Variants in CHLSN observed in about 807,000 individuals in gnomAD.
The protein encoded by CHLSN is cholesin.
At chr7:1,007,324 G>A in the CHLSN span, among the ~76,000 whole-genome samples, 1 of 152,240 alleles carries the variant, frequency 6.6e-6, no homozygotes, top group South Asian at 2.1e-4. Flanking sequence ...GCCTCTGCAG[G>A]GGGAGGACAA....
the CHLSN span, among the ~76,000 whole-genome samples, chr7:1,051,878 T>A: frequency 6.6e-6 from 1 of 152,184 alleles, no homozygotes; most frequent in African/African-American, 2.4e-5. Flanking sequence ...CTTGGGAGGC[T>A]GAGATGGGAG....
the CHLSN span, among the ~76,000 whole-genome samples, chr7:1,079,244 G>A: frequency 3.9e-5 from 6 of 152,340 alleles, no homozygotes; most frequent in South Asian, 1.0e-3. Flanking sequence ...CTGAGGCTGC[G>A]GAGGGGCGGC....
the CHLSN span, among the ~76,000 whole-genome samples, chr7:1,060,620 C>T: frequency 1.3e-5 from 2 of 152,234 alleles, no homozygotes; most frequent in African/African-American, 4.8e-5. Context: ...AGGTCAGAGT[C>T]GGCCTCGTGA....
the CHLSN span, chr7:1,058,816 G>A: frequency 2.4e-6 from 1 of 417,886 alleles, no homozygotes; most frequent in Non-Finnish European, 4.5e-6. Flanking sequence ...GTTTGTCAAT[G>A]AAGTGATGAA....
chr7:984,019 C>G, the CHLSN span, among the ~76,000 whole-genome samples: 8 of 152,268 alleles, frequency 5.3e-5, no homozygotes, highest in South Asian at 1.7e-3. Flanking sequence ...GGGCTGTAGC[C>G]GAAGACGGAT....
At chr7:1,057,521 G>C in the CHLSN span, 1 of 769,040 alleles carries the variant, frequency 1.3e-6, no homozygotes, top group African/African-American at 1.7e-5. Flanking sequence ...CCGCCATGTG[G>C]AGCTGCAGCT....
chr7:1,057,604 C>T, the CHLSN span: 82 of 769,928 alleles, frequency 1.1e-4, no homozygotes, highest in Non-Finnish European at 1.6e-4. Flanking sequence ...TCACTGTTGT[C>T]GCTGCTGGGC....
chr7:1,023,679 C>T, the CHLSN span, among the ~76,000 whole-genome samples: 1 of 109,894 alleles, frequency 9.1e-6, no homozygotes, highest in African/African-American at 3.2e-5. This position sits in a 1 kb window ranked among gnomAD's most constrained non-coding sequence, Gnocchi z 5.0. Flanking sequence ...ACACACACAC[C>T]AGCAACGCGC....
chr7:1,006,168 TGCTTCCAGCACTC>T, the CHLSN span, among the ~76,000 whole-genome samples: 31 of 152,360 alleles, frequency 2.0e-4, no homozygotes, highest in African/African-American at 7.2e-4. Context: ...GTGGAGGGAC[TGCTTCCAGCACTC>T]CCAAACTTCC....
chr7:1,019,772 CCT>C, the CHLSN span, among the ~76,000 whole-genome samples: 1 of 152,224 alleles, frequency 6.6e-6, no homozygotes, highest in East Asian at 1.9e-4. Flanking sequence ...TGGCTGTGGC[CCT>C]GACCCCTCTT....
the CHLSN span, among the ~76,000 whole-genome samples, chr7:1,011,725 C>T: frequency 6.6e-6 from 1 of 151,950 alleles, no homozygotes; most frequent in African/African-American, 2.4e-5. Context: ...CACACACGCC[C>T]ACAGACACCC....
At chr7:992,974 G>A in the CHLSN span, among the ~76,000 whole-genome samples, 18 of 152,206 alleles carry the variant, frequency 1.2e-4, no homozygotes, top group Admixed American at 9.2e-4. Flanking sequence ...AGAGTGCATC[G>A]GGTAGCTCCT....
the CHLSN span, chr7:1,028,377 C>G: frequency 1.0e-6 from 1 of 988,144 alleles, no homozygotes; most frequent in Non-Finnish European, 1.2e-6. Flanking sequence ...TGCGCATGCC[C>G]GGCCGGCCCG....
chr7:1,006,722 A>G, the CHLSN span, among the ~76,000 whole-genome samples: 1,773 of 150,770 alleles, frequency 0.012, 88 homozygotes, highest in East Asian at 0.17. Flanking sequence ...CATGACGGTC[A>G]CAGCGCAGAC....
At chr7:1,076,859 A>G in the CHLSN span, among the ~76,000 whole-genome samples, 1 of 152,230 alleles carries the variant, frequency 6.6e-6, no homozygotes, top group African/African-American at 2.4e-5. Flanking sequence ...CTTCCTGCAC[A>G]GCCCACGCCC....
the CHLSN span, among the ~76,000 whole-genome samples, chr7:1,019,914 G>A: frequency 6.6e-6 from 1 of 152,254 alleles, no homozygotes; most frequent in Non-Finnish European, 1.5e-5. Context: ...ACCGCGGCCC[G>A]GAGGCCAAGC....
chr7:1,085,432 C>G, the CHLSN span, among the ~76,000 whole-genome samples: 1 of 152,132 alleles, frequency 6.6e-6, no homozygotes, highest in African/African-American at 2.4e-5. Context: ...TGTGAGGCCG[C>G]GGTGACACCA....
the CHLSN span, among the ~76,000 whole-genome samples, chr7:1,122,729 G>A: frequency 9.9e-5 from 15 of 152,162 alleles, no homozygotes; most frequent in Admixed American, 3.9e-4. Flanking sequence ...TTAAAGGAAC[G>A]TGAAAACAGA....
At chr7:1,136,319 C>CATAAATATATAAAT in the CHLSN span, among the ~76,000 whole-genome samples, 10 of 84,100 alleles carry the variant, frequency 1.2e-4, no homozygotes, top group African/African-American at 6.1e-4. Flanking sequence ...TATATATAAA[C>CATAAATATATAAAT]ATAAATATAT....
Sources: gnomAD v4.1 joint callset for allele counts (sites outside exome capture counted in the v4.1 genomes callset) on GRCh38, gnomAD v4.1.1 for gene constraint, Gnocchi (gnomAD v3.1) non-coding constraint, MANE v1.5 for transcripts, NCBI Gene and HGNC (gene_info 2026-07-23, HGNC 2026-07-21) for gene names.